NPAS3: variants seen among roughly 807,000 people sequenced by gnomAD.
NPAS3 encodes the protein neuronal PAS domain protein 3.
In NPAS3, 14 loss-of-function variants were observed where a neutral mutation model predicts 73.1. The observed-to-expected ratio is 0.19, with a 90% CI of 0.13 to 0.30. The LOEUF (loss-of-function observed/expected upper bound fraction) is 0.30, where lower values mean the gene tolerates loss of function less well. Among genes scored for constraint, NPAS3 ranks in the 10% least tolerant of loss-of-function variants. The probability of loss-of-function intolerance (pLI) is 1.00; values close to 1 mark genes in which losing one functional copy is unlikely to be tolerated. For synonymous variants in NPAS3, 620 were observed against 541.5 expected, an observed-to-expected ratio of 1.14 and a Z score of -2.01; for missense variants, 1,096 against 1,250.0, an observed-to-expected ratio of 0.88 and a Z score of 1.86.
intron 7 of NPAS3, among the ~76,000 whole-genome samples, chr14:33,736,022 A>G (rs1010006340): frequency 6.6e-6 from 1 of 152,212 alleles, no homozygotes; most frequent in Non-Finnish European, 1.5e-5. Context: ...GACCTATGAA[A>G]TTCATGAAAT....
Position 33,482,126 on chromosome 14 carries a change from C to T in NPAS3, c.469-77995C>T, listed in dbSNP as rs188778828. 1.1e-3 allele frequency among the ~76,000 whole-genome samples: 155 copies of T among 147,068 alleles called. No individual in the cohort carries two copies. In the Middle Eastern group the frequency reaches 0.011, roughly 10 times the overall value. Reference sequence around the variant, plus strand: ...ATAGTTGTAAATTATTCCCAGAAAACGAAAGGTTCTTCAAGTATATTTTCA... The same window carrying T: ...ATAGTTGTAAATTATTCCCAGAAAATGAAAGGTTCTTCAAGTATATTTTCA... On this transcript the variant is annotated intron_variant, in intron 4 of 11. Transcript: ENST00000356141.
chr14:33,373,612 G>A (rs148402902), intron 4 of NPAS3, among the ~76,000 whole-genome samples: 2 of 152,142 alleles, frequency 1.3e-5, no homozygotes, highest in African/African-American at 4.8e-5. Context: ...AGTATTGAGA[G>A]AATAAAAAGA....
intron 4 of NPAS3, among the ~76,000 whole-genome samples, chr14:33,517,998 C>A (rs971234604): frequency 1.3e-5 from 2 of 152,086 alleles, no homozygotes; most frequent in Non-Finnish European, 2.9e-5. Context: ...TCCGAACATC[C>A]ACCACGTACC....
At chr14:33,045,283 A>G (rs1329865272) in intron 1 of NPAS3, among the ~76,000 whole-genome samples, 1 of 152,086 alleles carries the variant, frequency 6.6e-6, no homozygotes, top group African/African-American at 2.4e-5. Flanking sequence ...AAAGTTGCCT[A>G]TTTTCCATCT....
chr14:33,577,804 A>G (rs909396875), intron 5 of NPAS3, among the ~76,000 whole-genome samples: 1 of 152,226 alleles, frequency 6.6e-6, no homozygotes, highest in Non-Finnish European at 1.5e-5. Context: ...AAATTAAAAC[A>G]TTGTTGGCCA....
intron 4 of NPAS3, among the ~76,000 whole-genome samples, chr14:33,438,378 A>G (rs887552756): frequency 6.6e-6 from 1 of 152,248 alleles, no homozygotes; most frequent in Non-Finnish European, 1.5e-5. Flanking sequence ...CGGAAGGCGA[A>G]CTACTGCTGA....
intron 1 of NPAS3, among the ~76,000 whole-genome samples, chr14:33,028,597 A>C (rs1473784806): frequency 6.6e-6 from 1 of 152,208 alleles, no homozygotes; most frequent in Non-Finnish European, 1.5e-5. Context: ...TATAATTCCC[A>C]TCTGAACCTA....
intron 2 of NPAS3, among the ~76,000 whole-genome samples, chr14:33,092,098 A>G (rs1399029155): frequency 6.6e-6 from 1 of 152,188 alleles, no homozygotes; most frequent in African/African-American, 2.4e-5. Context: ...CCTATTCAAC[A>G]TAGTGTTGGA....
intron 4 of NPAS3, among the ~76,000 whole-genome samples, chr14:33,473,612 C>G (rs1039882047): frequency 5.3e-5 from 8 of 152,150 alleles, no homozygotes; most frequent in African/African-American, 1.9e-4. Context: ...CTGAGAAAAC[C>G]AAACACATAC....
At chr14:33,486,273 A>C (rs1284787249) in intron 4 of NPAS3, among the ~76,000 whole-genome samples, 1 of 152,052 alleles carries the variant, frequency 6.6e-6, no homozygotes, top group Non-Finnish European at 1.5e-5. Context: ...ACCTGTCCCC[A>C]AATTTCTGCT....
chr14:33,743,900 T>C (rs1051438153), intron 7 of NPAS3, among the ~76,000 whole-genome samples: 2 of 152,264 alleles, frequency 1.3e-5, no homozygotes, highest in African/African-American at 4.8e-5. Flanking sequence ...CACTGTTTCT[T>C]CTGCAACTTC....
At chr14:33,416,954 A>C (rs1171870282) in intron 4 of NPAS3, among the ~76,000 whole-genome samples, 2 of 152,142 alleles carry the variant, frequency 1.3e-5, no homozygotes, top group East Asian at 3.9e-4. Flanking sequence ...TTAACTGCTC[A>C]TAAGATGAGA....
chr14:33,658,788 C>A (rs1180242529), intron 5 of NPAS3, among the ~76,000 whole-genome samples: 1 of 152,124 alleles, frequency 6.6e-6, no homozygotes, highest in Non-Finnish European at 1.5e-5. Context: ...CAGCATGAGA[C>A]CCATCTTCAT....
chr14:33,785,926 G>A (rs936997728), intron 9 of NPAS3, among the ~76,000 whole-genome samples: 11 of 152,284 alleles, frequency 7.2e-5, no homozygotes, highest in South Asian at 2.1e-4. Context: ...TCCAAAGTGC[G>A]GAAGGGGTCA....
intron 3 of NPAS3, among the ~76,000 whole-genome samples, chr14:33,358,234 G>A (rs1391747191): frequency 6.6e-6 from 1 of 152,186 alleles, no homozygotes; most frequent in African/African-American, 2.4e-5. Context: ...AAGCAGTGGT[G>A]TTGAGGTGGA....
chr14:33,483,089 G>A (rs142608733), intron 4 of NPAS3, among the ~76,000 whole-genome samples: 7 of 152,316 alleles, frequency 4.6e-5, no homozygotes, highest in South Asian at 2.1e-4. Flanking sequence ...AGTTGACTAC[G>A]TATGCAGTCT....
intron 3 of NPAS3, among the ~76,000 whole-genome samples, chr14:33,306,124 T>C (rs748872941): frequency 4.6e-5 from 7 of 152,134 alleles, no homozygotes; most frequent in Non-Finnish European, 7.4e-5. Context: ...ATAAAAAGAA[T>C]GGTGAATCCA....
chr14:33,692,836 T>A (rs1046135135), intron 6 of NPAS3, among the ~76,000 whole-genome samples: 5 of 64,032 alleles, frequency 7.8e-5, no homozygotes, highest in Admixed American at 2.4e-4. Context: ...CCCAATGTCT[T>A]AAAAAAAAAA....
intron 2 of NPAS3, among the ~76,000 whole-genome samples, chr14:33,061,915 T>C: frequency 6.6e-6 from 1 of 152,004 alleles, no homozygotes; most frequent in East Asian, 1.9e-4. Flanking sequence ...GTCTTCATGG[T>C]GGAGGAGGAG....
Sources: allele counts gnomAD v4.1 joint callset (sites outside exome capture counted in the v4.1 genomes callset), GRCh38; gene constraint gnomAD v4.1.1; transcripts MANE v1.5; gene names NCBI Gene and HGNC (gene_info 2026-07-23, HGNC 2026-07-21).